WDR7: variants seen among roughly 807,000 people sequenced by gnomAD.
The protein encoded by WDR7 is WD repeat domain 7.
Under a neutral mutation model 169.4 loss-of-function variants are expected in WDR7, and 46 were observed. The ratio of observed to expected loss-of-function variants is 0.27; its 90% CI spans 0.21 to 0.35. WDR7 has a LOEUF of 0.35. Ranked by LOEUF, WDR7 falls within the 10% of genes least tolerant of loss-of-function variation. WDR7 has a pLI of 1.00. For synonymous variants in WDR7, 612 were observed against 666.8 expected (o/e 0.92, Z 1.27); for missense variants, 1,534 against 1,859.3 (o/e 0.83, Z 3.22).
intron 26 of WDR7, among the ~76,000 whole-genome samples, chr18:56,976,581 T>C (rs977159333): frequency 1.3e-5 from 2 of 152,210 alleles, no homozygotes; most frequent in Admixed American, 1.3e-4. Context: ...GACTCTGTTT[T>C]GCTTATTCGG....
At chr18:56,875,112 G>T (rs17090401) in intron 20 of WDR7, among the ~76,000 whole-genome samples, 1,915 of 152,190 alleles carry the variant, frequency 0.013, 44 homozygotes, top group African/African-American at 0.044. Context: ...CTATAAAGTC[G>T]TGTCCTCCAG....
At chr18:56,883,265 G>T (rs1432853339) in intron 21 of WDR7, among the ~76,000 whole-genome samples, 1 of 151,044 alleles carries the variant, frequency 6.6e-6, no homozygotes, top group Non-Finnish European at 1.5e-5. Context: ...TTGCTGATTG[G>T]TTGCATTCAG....
At chr18:56,856,693 C>G (rs1487553674) in intron 20 of WDR7, among the ~76,000 whole-genome samples, 2 of 151,818 alleles carry the variant, frequency 1.3e-5, no homozygotes, top group African/African-American at 4.8e-5. Flanking sequence ...CACATTGATA[C>G]CTCATATGAT....
At chr18:56,875,413 C>T (rs1268164868) in intron 20 of WDR7, among the ~76,000 whole-genome samples, 2 of 152,182 alleles carry the variant, frequency 1.3e-5, no homozygotes, top group Non-Finnish European at 2.9e-5. Context: ...ACTATGCTTA[C>T]AGTGGATTTT....
chr18:56,851,930 C>A (rs2145369970), intron 20 of WDR7, among the ~76,000 whole-genome samples: 1 of 152,264 alleles, frequency 6.6e-6, no homozygotes, highest in Admixed American at 6.5e-5. Flanking sequence ...AGCAGTTGGG[C>A]TCACTTTGGT....
chr18:56,982,004 T>C (rs1322032329), intron 26 of WDR7, among the ~76,000 whole-genome samples: 1 of 131,172 alleles, frequency 7.6e-6, no homozygotes, highest in Non-Finnish European at 1.7e-5. Flanking sequence ...GGATATGCCA[T>C]GAAAAAAATA....
At chr18:56,836,510 G>A (rs910729706) in intron 20 of WDR7, among the ~76,000 whole-genome samples, 13 of 152,184 alleles carry the variant, frequency 8.5e-5, no homozygotes, top group African/African-American at 3.1e-4. Context: ...TTTTTGAATA[G>A]CCATCACCAT....
intron 1 of WDR7, among the ~76,000 whole-genome samples, chr18:56,670,061 C>T (rs916549178): frequency 5.9e-5 from 9 of 152,098 alleles, no homozygotes; most frequent in Admixed American, 2.6e-4. Flanking sequence ...AACTTAGATT[C>T]CTGTGATCTA....
intron 1 of WDR7, among the ~76,000 whole-genome samples, chr18:56,663,248 C>T (rs1467733405): frequency 2.0e-5 from 3 of 152,146 alleles, no homozygotes; most frequent in Non-Finnish European, 1.5e-5. Flanking sequence ...TCAACATATG[C>T]GTTTTGGGAG....
chr18:56,832,742 A>G (rs2045334252), intron 20 of WDR7, among the ~76,000 whole-genome samples: 1 of 152,200 alleles, frequency 6.6e-6, no homozygotes, highest in Non-Finnish European at 1.5e-5. Context: ...GACCTACAGA[A>G]GAGGGGCCTG....
At chr18:57,010,023 C>T (rs935979681) in intron 26 of WDR7, 19 of 985,310 alleles carry the variant, frequency 1.9e-5, no homozygotes, top group Non-Finnish European at 2.2e-5. Flanking sequence ...TTAGTGTGTA[C>T]ATGTGTCTGC....
intron 9 of WDR7, among the ~76,000 whole-genome samples, chr18:56,693,561 G>GTTTTGT (rs2025624034): frequency 1.0e-5 from 1 of 98,756 alleles, no homozygotes; most frequent in Non-Finnish European, 2.0e-5. Context: ...AATTTTGTTG[G>GTTTTGT]TTTTTTTTTT....
chr18:56,878,180 A>G (rs2046053580), intron 20 of WDR7, among the ~76,000 whole-genome samples: 1 of 152,236 alleles, frequency 6.6e-6, no homozygotes, highest in Non-Finnish European at 1.5e-5. Flanking sequence ...ATTCTAATCA[A>G]GATATAAAAT....
intron 26 of WDR7, chr18:57,010,135 G>T: frequency 2.0e-6 from 2 of 985,372 alleles, no homozygotes; most frequent in Middle Eastern, 5.2e-4. Flanking sequence ...GGAGGGGAGG[G>T]ATTTATTTTC....
chr18:56,797,585 A>G (rs749066122), intron 19 of WDR7, among the ~76,000 whole-genome samples: 12 of 152,034 alleles, frequency 7.9e-5, no homozygotes, highest in Non-Finnish European at 1.5e-4. Context: ...AGAAGCAGTT[A>G]ATTTTGATTG....
rs544691923 is a variant in WDR7 at position 56,835,056 on chromosome 18, C to G, written c.3304+18912C>G. On this transcript the variant is annotated intron_variant, in intron 20 of 27. Transcript: ENST00000254442. Reference sequence around the variant, plus strand: ...TACCTTTTCATCAGCCCTGACGTCACTCTCCAATATGGTTTTTCAACTCAA... The same window carrying G: ...TACCTTTTCATCAGCCCTGACGTCAGTCTCCAATATGGTTTTTCAACTCAA... 3.3e-5 allele frequency among the ~76,000 whole-genome samples: 5 copies of G among 152,290 alleles called. No individual in the cohort carries two copies. The South Asian group carries it at 1.0e-3, about 32-fold the overall frequency.
At chr18:56,894,607 A>T (rs938326051) in intron 21 of WDR7, among the ~76,000 whole-genome samples, 4 of 152,018 alleles carry the variant, frequency 2.6e-5, no homozygotes, top group Non-Finnish European at 2.9e-5. Context: ...TTTCTTTTTT[A>T]AAGTATTTGT....
At chr18:56,959,902 G>T (rs573576796) in intron 25 of WDR7, among the ~76,000 whole-genome samples, 1 of 152,158 alleles carries the variant, frequency 6.6e-6, no homozygotes, top group Admixed American at 6.5e-5. Flanking sequence ...AGACCAGGAG[G>T]ATGGTGGGCT....
At chr18:56,936,497 C>G (rs1276154003) in intron 23 of WDR7, among the ~76,000 whole-genome samples, 1 of 152,158 alleles carries the variant, frequency 6.6e-6, no homozygotes, top group East Asian at 1.9e-4. Flanking sequence ...ATGATCAGCT[C>G]TTAAATTTTT....
Sources: allele counts gnomAD v4.1 joint callset (sites outside exome capture counted in the v4.1 genomes callset), GRCh38; gene constraint gnomAD v4.1.1; transcripts MANE v1.5; gene names NCBI Gene and HGNC (gene_info 2026-07-23, HGNC 2026-07-21).